NGLY1: variants seen among roughly 807,000 people sequenced by gnomAD.
The protein encoded by NGLY1 is peptide-N(4)-(N-acetyl-beta-glucosaminyl)asparagine amidase.
In NGLY1, 68 loss-of-function variants were observed where a neutral mutation model predicts 84.6. That is an observed-to-expected ratio of 0.80 (90% CI 0.66 to 0.98). The LOEUF is 0.98. NGLY1 is among the 50% of genes least tolerant of loss of function. The pLI is 0.00. For synonymous variants in NGLY1, 280 were observed against 275.2 expected, an observed-to-expected ratio of 1.02 and a Z score of -0.17; for missense variants, 779 against 770.2, an observed-to-expected ratio of 1.01 and a Z score of -0.14.
chr3:25,732,556 A>C, intron 8 of NGLY1, 73 bp from the exon 9 acceptor site: 1 of 1,026,058 alleles, frequency 9.7e-7, no homozygotes. Flanking sequence ...GCAAGAATAT[A>C]CTTAAAACAC....
intron 10 of NGLY1, among the ~76,000 whole-genome samples, chr3:25,723,497 A>G (rs1705107762): frequency 6.6e-6 from 1 of 152,162 alleles, no homozygotes; most frequent in Admixed American, 6.5e-5. Context: ...GGTGGTAGAA[A>G]GTTACCAAGA....
chr3:25,761,838 T>A (rs1476977944), intron 3 of NGLY1, among the ~76,000 whole-genome samples: 2 of 152,144 alleles, frequency 1.3e-5, no homozygotes, highest in Non-Finnish European at 2.9e-5. Context: ...GGAAACAATA[T>A]GTGGCATATC....
At chr3:25,746,073 C>T (rs1240173328) in intron 4 of NGLY1, among the ~76,000 whole-genome samples, 2 of 152,130 alleles carry the variant, frequency 1.3e-5, no homozygotes, top group African/African-American at 4.8e-5. Flanking sequence ...ATACACTGCT[C>T]TGTCTGAAAT....
At position 25,764,067 on chromosome 3, in the gene NGLY1, G is replaced by A. The variant is rs749441809; in HGVS notation, c.491C>T (p.Thr164Met). ...AAGAAGGTTTAATTCTAACATTACC[G>A]TTGAAGCAGATGGTGGATCTGATGA... Reference protein sequence around the residue: ...GQSSDPPSASTVAADSAILEV... With the variant: ...GQSSDPPSASMVAADSAILEV... Residue 164 changes from threonine to methionine, a missense_variant and splice_region_variant, in exon 3 of 12, where the codon ACG becomes ATG. Thr to Met is a moderately conservative substitution (Grantham distance 81). Coordinates refer to ENST00000280700, the MANE Select transcript of NGLY1 (RefSeq NM_018297.4). The A allele has an allele frequency of 3.2e-5, 52 of 1,613,854 alleles. No individual in the cohort carries two copies. The highest frequency in any genetic ancestry group is 1.6e-4 in the Middle Eastern group (1 of 6,080).
At position 25,729,213 on chromosome 3, in the gene NGLY1, T is replaced by C; in HGVS notation, c.1531A>G (p.Asn511Asp). 6.4e-7 allele frequency: 1 copy of C among 1,569,346 alleles called. No individual in the cohort carries two copies. The highest frequency in any genetic ancestry group is 8.7e-7 in the Non-Finnish European group (1 of 1,154,362). The change falls in exon 10 of 12, where the codon AAT (asparagine) becomes GAT (aspartate). Residue 511 changes from asparagine (N) to aspartate (D), a missense_variant. Asn to Asp is a conservative substitution (Grantham distance 23). Coordinates refer to ENST00000280700, the MANE Select transcript of NGLY1 (RefSeq NM_018297.4). ...KDRYVRVSNNNQTISGWENGV... is the reference protein window; with the variant it reads ...KDRYVRVSNNDQTISGWENGV... Reference sequence around the variant, plus strand: ...TTCTCCCATCCAGAAATGGTTTGATTGTTATTTGAAACTCGAACATAACGA... The same window carrying C: ...TTCTCCCATCCAGAAATGGTTTGATCGTTATTTGAAACTCGAACATAACGA...
chr3:25,749,944 CAA>C (rs3080321), intron 4 of NGLY1: 280,417 of 479,034 alleles, frequency 0.59, 51,310 homozygotes, highest in Admixed American at 0.66. Context: ...TAAAAACTGC[CAA>C]AAAAAAAAAA....
chr3:25,785,968 T>C (rs1708594017), upstream of NGLY1, among the ~76,000 whole-genome samples: 1 of 152,200 alleles, frequency 6.6e-6, no homozygotes, highest in Admixed American at 6.5e-5. Context: ...TCAGACTGCT[T>C]TGCACACAGC....
chr3:25,720,299 G>A, intron 10 of NGLY1, 108 bp from the exon 11 acceptor site: 4 of 842,772 alleles, frequency 4.7e-6, no homozygotes, highest in Non-Finnish European at 5.1e-6. Context: ...TGTACAAGTG[G>A]TTATTTAAAA....
rs371364572 is a variant in NGLY1, at chr3:25,720,206, G to C, written c.1612-15C>G. The C allele has an allele frequency of 6.3e-7, 1 of 1,595,232 alleles. No individual in the cohort carries two copies. Among genetic ancestry groups the C allele is most frequent in the African/African-American group, 1.3e-5 (1 of 74,230 alleles). On this transcript the variant is annotated splice_polypyrimidine_tract_variant and intron_variant, in intron 10 of 11. Transcript: ENST00000280700. ...GCCAAATATACCTATAAGGAGTAGGGATGGGGAGAAAGGAACTGTCAGAAA... is the reference window on the plus strand; with the variant it reads ...GCCAAATATACCTATAAGGAGTAGGCATGGGGAGAAAGGAACTGTCAGAAA...
At chr3:25,727,808 T>C (rs1705335252) in intron 10 of NGLY1, among the ~76,000 whole-genome samples, 1 of 152,184 alleles carries the variant, frequency 6.6e-6, no homozygotes, top group African/African-American at 2.4e-5. Context: ...ATCACTATTT[T>C]CCCCATCATT....
chr3:25,749,245 G>A (rs1009453899), intron 4 of NGLY1, among the ~76,000 whole-genome samples: 2 of 152,172 alleles, frequency 1.3e-5, no homozygotes, highest in Admixed American at 6.5e-5. Flanking sequence ...ACTTCTGGGT[G>A]TATACCAAAA....
chr3:25,739,160 C>CA (rs1705996673), intron 5 of NGLY1, among the ~76,000 whole-genome samples: 1 of 152,056 alleles, frequency 6.6e-6, no homozygotes, highest in African/African-American at 2.4e-5. Flanking sequence ...TGTTAGCTAT[C>CA]AGACAGTTAA....
intron 3 of NGLY1, among the ~76,000 whole-genome samples, chr3:25,754,041 T>C (rs1396855093): frequency 6.6e-6 from 1 of 152,108 alleles, no homozygotes; most frequent in African/African-American, 2.4e-5. Flanking sequence ...TTTGTCTGTG[T>C]GTGAATGTGT....
chr3:25,789,140 G>C (rs1401982414), intron 1 of NGLY1, among the ~76,000 whole-genome samples: 2 of 152,176 alleles, frequency 1.3e-5, no homozygotes, highest in Non-Finnish European at 2.9e-5. Context: ...TCGACTTCTT[G>C]CTTTTTTACA....
rs1575636570 is a variant in NGLY1 at position 25,752,461 on chromosome 3, C to T, written c.493-1198G>A. The stretch of plus-strand genomic sequence containing the variant: ...GGTCTCGAACTCCTGACCTTGTGAT[C>T]CGCCCGCCTCAGCCTCCCAAAGTGC... On this transcript the variant is annotated intron_variant, in intron 3 of 11. Coordinates refer to ENST00000280700, the MANE Select transcript of NGLY1 (RefSeq NM_018297.4). Among the ~76,000 whole-genome samples the T allele has an allele frequency of 2.0e-5, 3 of 152,000 alleles. No individual in the cohort carries two copies. In the South Asian group the frequency reaches 6.2e-4, roughly 32 times the overall value.
At chr3:25,737,922 T>G (rs1705926111) in intron 5 of NGLY1, among the ~76,000 whole-genome samples, 1 of 152,162 alleles carries the variant, frequency 6.6e-6, no homozygotes, top group South Asian at 2.1e-4. Flanking sequence ...GAAAAATAAT[T>G]AAACGGTAGT....
intron 2 of NGLY1, among the ~76,000 whole-genome samples, chr3:25,778,032 T>A (rs192574159): frequency 4.6e-5 from 7 of 152,288 alleles, no homozygotes; most frequent in African/African-American, 1.2e-4. Flanking sequence ...AAATTCAGAA[T>A]CTTAATAACT....
chr3:25,735,426 A>C (rs949839167), intron 7 of NGLY1: 2 of 152,216 alleles, frequency 1.3e-5, no homozygotes, highest in African/African-American at 4.8e-5. Context: ...CAAACACATA[A>C]AAAGATGCTC....
chr3:25,775,844 G>A (rs1238306647), intron 2 of NGLY1, among the ~76,000 whole-genome samples: 1 of 152,130 alleles, frequency 6.6e-6, no homozygotes, highest in Non-Finnish European at 1.5e-5. Context: ...CTAGAAGACA[G>A]AATTTTGAAT....
Sources: gnomAD v4.1 joint callset for allele counts (sites outside exome capture counted in the v4.1 genomes callset) on GRCh38, gnomAD v4.1.1 for gene constraint, MANE v1.5 for transcripts, NCBI Gene and HGNC (gene_info 2026-07-23, HGNC 2026-07-21) for gene names.